The following PIK3R3 variants were observed in gnomAD, a reference collection of about 807,000 sequenced individuals.
PIK3R3 encodes the protein phosphatidylinositol 3-kinase regulatory subunit gamma.
A neutral mutation model predicts 62.9 loss-of-function variants in PIK3R3; 64 were observed. The ratio of observed to expected loss-of-function variants is 1.02; its 90% CI spans 0.83 to 1.25. The LOEUF (loss-of-function observed/expected upper bound fraction) is 1.25. Among genes scored for constraint, PIK3R3 ranks in the 50% most tolerant of loss-of-function variants. The pLI is 0.00. For missense variants in PIK3R3, 614 were observed against 561.6 expected (o/e 1.09, Z -0.94); for synonymous variants, 165 against 189.0 (o/e 0.87, Z 1.04).
At chr1:46,125,963 T>C (rs1030360770) in intron 1 of PIK3R3, among the ~76,000 whole-genome samples, 3 of 152,026 alleles carry the variant, frequency 2.0e-5, no homozygotes, top group East Asian at 1.9e-4. Flanking sequence ...GGTTTCACCA[T>C]GTTAGCCAGG....
At chr1:46,057,073 C>G (rs778922095) in intron 6 of PIK3R3, 3 of 152,206 alleles carry the variant, frequency 2.0e-5, no homozygotes, top group Non-Finnish European at 1.5e-5. Context: ...AGGAAGGACC[C>G]GGGAATAGAT....
chr1:46,153,198 C>T, the PIK3R3 span, among the ~76,000 whole-genome samples: 13 of 152,120 alleles, frequency 8.5e-5, no homozygotes, highest in African/African-American at 3.1e-4. Flanking sequence ...TATCCTCAGC[C>T]TCATTTGCCT....
intron 6 of PIK3R3, among the ~76,000 whole-genome samples, chr1:46,058,227 A>AT (rs1478332962): frequency 3.9e-5 from 6 of 152,218 alleles, no homozygotes. Flanking sequence ...CTCCACCTAG[A>AT]TTTCAGACGT....
intron 1 of PIK3R3, among the ~76,000 whole-genome samples, chr1:46,081,684 C>T (rs931121782): frequency 1.3e-5 from 2 of 152,220 alleles, no homozygotes; most frequent in Admixed American, 1.3e-4. Flanking sequence ...CAACAACACC[C>T]CAATATGTAC....
chr1:46,046,031 C>CCAGGTTTTCTCATCATAATGGGG lies in PIK3R3; in HGVS notation c.1051_1073dup (p.Trp358CysfsTer32), dbSNP rs770564798. 9.3e-6 allele frequency: 15 copies of CCAGGTTTTCTCATCATAATGGGG among 1,612,208 alleles called. No homozygotes were observed. The highest frequency in any genetic ancestry group is 1.3e-5 in the Non-Finnish European group (15 of 1,178,576). ...GTACTCGATTGATATCCTCAACAAA[C>CCAGGTTTTCTCATCATAATGGGG]CAGGTTTTCTCATCATAATGGGGCA... On this transcript the variant is annotated frameshift_variant, in exon 9 of 10. Transcript: ENST00000262741. LOFTEE classifies it high-confidence loss of function.
chr1:46,143,495 G>C, the PIK3R3 span, among the ~76,000 whole-genome samples: 1 of 151,860 alleles, frequency 6.6e-6, no homozygotes, highest in African/African-American at 2.4e-5. Flanking sequence ...CCAGGCTGGA[G>C]TGCAGTGGTG....
At chr1:46,122,525 G>A (rs559665066) in intron 1 of PIK3R3, among the ~76,000 whole-genome samples, 7 of 152,100 alleles carry the variant, frequency 4.6e-5, no homozygotes, top group African/African-American at 9.6e-5. Context: ...GCGCCACCAC[G>A]CCTGGCTAAT....
the PIK3R3 span, among the ~76,000 whole-genome samples, chr1:46,161,919 T>C: frequency 4.8e-3 from 712 of 149,390 alleles, 5 homozygotes; most frequent in African/African-American, 8.8e-3. Flanking sequence ...GGTGAAACCC[T>C]GTCTCTACTA....
intron 2 of PIK3R3, among the ~76,000 whole-genome samples, chr1:46,078,697 T>C (rs966215774): frequency 5.1e-4 from 78 of 152,130 alleles, no homozygotes; most frequent in Non-Finnish European, 4.4e-4. Flanking sequence ...CCAATATTAA[T>C]TGCAGCATTA....
chr1:46,073,842 G>A (rs1649776031), intron 3 of PIK3R3, among the ~76,000 whole-genome samples: 1 of 146,396 alleles, frequency 6.8e-6, no homozygotes, highest in Non-Finnish European at 1.5e-5. Flanking sequence ...CACCATGTTG[G>A]CCAGGCTAGT....
chr1:46,161,852 G>C, the PIK3R3 span, among the ~76,000 whole-genome samples: 1 of 152,148 alleles, frequency 6.6e-6, no homozygotes, highest in African/African-American at 2.4e-5. Flanking sequence ...CAGCATTTTG[G>C]GAGGCCAAGG....
intron 1 of PIK3R3, among the ~76,000 whole-genome samples, chr1:46,118,322 AT>A (rs761912589): frequency 2.8e-5 from 2 of 71,644 alleles, no homozygotes; most frequent in Non-Finnish European, 6.0e-5. Context: ...AGCCACCATC[AT>A]CCCCTCAGCT....
the PIK3R3 span, among the ~76,000 whole-genome samples, chr1:46,144,760 C>A: frequency 7.1e-6 from 1 of 141,450 alleles, no homozygotes. Flanking sequence ...GACCGAGACT[C>A]CATCTCAAAA....
At chr1:46,147,135 C>A in the PIK3R3 span, among the ~76,000 whole-genome samples, 1 of 152,140 alleles carries the variant, frequency 6.6e-6, no homozygotes, top group Non-Finnish European at 1.5e-5. Flanking sequence ...GAGATGGAAT[C>A]ACGCTCTGTC....
At chr1:46,163,624 C>A in the PIK3R3 span, among the ~76,000 whole-genome samples, 1 of 152,190 alleles carries the variant, frequency 6.6e-6, no homozygotes, top group Non-Finnish European at 1.5e-5. Context: ...GAAGCTTTCC[C>A]TGTCTCCTTC....
At chr1:46,124,129 T>C (rs1438190071) in intron 1 of PIK3R3, among the ~76,000 whole-genome samples, 2 of 152,188 alleles carry the variant, frequency 1.3e-5, no homozygotes, top group South Asian at 2.1e-4. Flanking sequence ...GATAATTACA[T>C]GTTTTCAATA....
intron 1 of PIK3R3, among the ~76,000 whole-genome samples, chr1:46,106,163 G>A (rs1653185722): frequency 6.6e-6 from 1 of 152,126 alleles, no homozygotes; most frequent in African/African-American, 2.4e-5. Flanking sequence ...GAGTACAATG[G>A]ACGACTATGG....
chr1:46,046,666 T>A (rs370433427), intron 7 of PIK3R3, 41 bp from the exon 8 acceptor site: 1 of 1,394,308 alleles, frequency 7.2e-7, no homozygotes, highest in Non-Finnish European at 1.0e-6. Flanking sequence ...CCATGCAAAC[T>A]CTGACTGGAC....
intron 1 of PIK3R3, among the ~76,000 whole-genome samples, chr1:46,080,988 A>G (rs72897003): frequency 0.015 from 2,351 of 152,220 alleles, 57 homozygotes; most frequent in African/African-American, 0.054. Flanking sequence ...AGTCTGTAAA[A>G]CTTCATTCAC....
Sources: gnomAD v4.1 joint callset for allele counts (sites outside exome capture counted in the v4.1 genomes callset) on GRCh38, gnomAD v4.1.1 for gene constraint, MANE v1.5 for transcripts, NCBI Gene and HGNC (gene_info 2026-07-23, HGNC 2026-07-21) for gene names.